The following LRRTM4 variants were observed in gnomAD, a reference collection of about 807,000 sequenced individuals.
The protein encoded by LRRTM4 is leucine rich repeat transmembrane neuronal 4.
A neutral mutation model predicts 47.6 loss-of-function variants in LRRTM4; 25 were observed. That is an observed-to-expected ratio of 0.53 (90% CI 0.38 to 0.73). LRRTM4 has a LOEUF of 0.73. LRRTM4 is among the 30% of genes least tolerant of loss of function. The pLI is 0.00. For missense variants in LRRTM4, 638 were observed against 713.4 expected, an observed-to-expected ratio of 0.89 and a Z score of 1.20; for synonymous variants, 311 against 269.5, an observed-to-expected ratio of 1.15 and a Z score of -1.51.
chr2:77,003,934 C>G (rs576124385), intron 3 of LRRTM4, among the ~76,000 whole-genome samples: 1 of 152,246 alleles, frequency 6.6e-6, no homozygotes. Context: ...ACATGAAAAA[C>G]TTGTTGGGAG....
chr2:77,061,829 C>A (rs969012801), intron 3 of LRRTM4, among the ~76,000 whole-genome samples: 1 of 152,068 alleles, frequency 6.6e-6, no homozygotes, highest in African/African-American at 2.4e-5. Context: ...ATATACAAAC[C>A]AATCACGCTG....
At chr2:76,995,788 G>C (rs1677180083) in intron 3 of LRRTM4, among the ~76,000 whole-genome samples, 1 of 151,952 alleles carries the variant, frequency 6.6e-6, no homozygotes, top group Admixed American at 6.6e-5. Flanking sequence ...CCAATTTGCA[G>C]GCTGGAAACA....
chr2:77,347,247 C>T (rs758542274), intron 3 of LRRTM4, among the ~76,000 whole-genome samples: 24 of 152,310 alleles, frequency 1.6e-4, no homozygotes, highest in Non-Finnish European at 2.6e-4. Flanking sequence ...TAGCTTCACA[C>T]TGGTTCAATC....
chr2:76,824,352 C>T (rs1316766510), intron 3 of LRRTM4, among the ~76,000 whole-genome samples: 3 of 151,606 alleles, frequency 2.0e-5, no homozygotes, highest in Middle Eastern at 3.4e-3. Context: ...CAATTTTTAA[C>T]TTGTGTTTGT....
At chr2:76,962,624 A>C (rs987710771) in intron 3 of LRRTM4, among the ~76,000 whole-genome samples, 9 of 150,884 alleles carry the variant, frequency 6.0e-5, no homozygotes, top group African/African-American at 1.9e-4. Context: ...TAAAATAAAA[A>C]TAAATGAAAT....
intron 3 of LRRTM4, among the ~76,000 whole-genome samples, chr2:76,776,210 A>G (rs13228195): frequency 3.3e-5 from 5 of 152,336 alleles, no homozygotes; most frequent in Non-Finnish European, 5.9e-5. Flanking sequence ...TAATGCCGCA[A>G]TAAACATACA....
intron 3 of LRRTM4, among the ~76,000 whole-genome samples, chr2:76,884,509 A>C (rs1364880562): frequency 6.6e-6 from 1 of 152,228 alleles, no homozygotes; most frequent in African/African-American, 2.4e-5. Flanking sequence ...AAAGGTTTGC[A>C]TATACTGCAT....
At chr2:77,441,448 T>C (rs1675838711) in intron 3 of LRRTM4, among the ~76,000 whole-genome samples, 1 of 152,170 alleles carries the variant, frequency 6.6e-6, no homozygotes, top group African/African-American at 2.4e-5. Flanking sequence ...ACCTAATAAG[T>C]TTATACTTCT....
intron 3 of LRRTM4, among the ~76,000 whole-genome samples, chr2:77,103,118 G>A (rs746730720): frequency 2.0e-5 from 3 of 152,106 alleles, no homozygotes; most frequent in Non-Finnish European, 4.4e-5. Context: ...CACAGATAAG[G>A]CATTGTATCA....
intron 3 of LRRTM4, among the ~76,000 whole-genome samples, chr2:77,000,967 C>G (rs575198558): frequency 6.6e-6 from 1 of 152,224 alleles, no homozygotes; most frequent in Admixed American, 6.5e-5. Context: ...CCTTATACCT[C>G]AGGGGAGAAC....
At chr2:77,410,993 G>A (rs1413902466) in intron 3 of LRRTM4, among the ~76,000 whole-genome samples, 1 of 152,144 alleles carries the variant, frequency 6.6e-6, no homozygotes, top group South Asian at 2.1e-4. Flanking sequence ...GACCCAACGA[G>A]AATCTTATTT....
chr2:76,791,362 T>G (rs1045250279), intron 3 of LRRTM4, among the ~76,000 whole-genome samples: 1 of 152,080 alleles, frequency 6.6e-6, no homozygotes, highest in Admixed American at 6.6e-5. Context: ...ATTTGTAGAT[T>G]TGAAACTCAG....
chr2:77,376,133 C>T (rs915177875), intron 3 of LRRTM4, among the ~76,000 whole-genome samples: 2 of 151,690 alleles, frequency 1.3e-5, no homozygotes, highest in African/African-American at 2.4e-5. Context: ...AATAGCTCTA[C>T]CTATTGTGTT....
At chr2:77,256,063 A>G (rs55770966) in intron 3 of LRRTM4, among the ~76,000 whole-genome samples, 27,552 of 151,974 alleles carry the variant, frequency 0.18, 7,269 homozygotes, top group African/African-American at 0.58. Context: ...AAGGAGGAAA[A>G]ACACCAATGT....
At chr2:77,343,033 C>T (rs1327632861) in intron 3 of LRRTM4, among the ~76,000 whole-genome samples, 1 of 151,916 alleles carries the variant, frequency 6.6e-6, no homozygotes, top group African/African-American at 2.4e-5. Context: ...TGCAGTAAGA[C>T]AGTTTGAAGT....
chr2:77,205,981 A>G (rs1674114059), intron 3 of LRRTM4, among the ~76,000 whole-genome samples: 1 of 151,534 alleles, frequency 6.6e-6, no homozygotes, highest in African/African-American at 2.4e-5. Context: ...GACTACAGAC[A>G]TGCACCACCA....
intron 3 of LRRTM4, among the ~76,000 whole-genome samples, chr2:77,300,696 T>C (rs149380447): frequency 6.6e-6 from 1 of 152,314 alleles, no homozygotes; most frequent in Admixed American, 6.5e-5. Context: ...TGGAAAAGGA[T>C]CTGAGGAACA....
chr2:77,510,331 T>C (rs1033719408), intron 3 of LRRTM4, among the ~76,000 whole-genome samples: 1 of 152,126 alleles, frequency 6.6e-6, no homozygotes, highest in Non-Finnish European at 1.5e-5. Flanking sequence ...TTTCAGTTAA[T>C]GTGTCTTCAG....
At chr2:76,762,769 G>T (rs1454972427) in intron 3 of LRRTM4, among the ~76,000 whole-genome samples, 1 of 151,842 alleles carries the variant, frequency 6.6e-6, no homozygotes, top group Non-Finnish European at 1.5e-5. Context: ...AGACCAGCCT[G>T]GGCAACATGG....
Sources: allele counts gnomAD v4.1 joint callset (sites outside exome capture counted in the v4.1 genomes callset), GRCh38; gene constraint gnomAD v4.1.1; transcripts MANE v1.5; gene names NCBI Gene and HGNC (gene_info 2026-07-23, HGNC 2026-07-21).